Variants in ST18 observed in about 807,000 individuals in gnomAD.
ST18 encodes the protein ST18 C2H2C-type zinc finger transcription factor, also known as suppression of tumorigenicity 18 protein.
ST18 carries 50 observed loss-of-function variants against 110.0 expected under a neutral mutation model. That is an observed-to-expected ratio of 0.45 (90% CI 0.36 to 0.58). The LOEUF is 0.58. Among genes scored for constraint, ST18 ranks in the 20% least tolerant of loss-of-function variants. The probability of loss-of-function intolerance (pLI) is 0.00; values close to 1 mark genes in which losing one functional copy is unlikely to be tolerated. For synonymous variants in ST18, 461 were observed against 452.4 expected, an observed-to-expected ratio of 1.02 and a Z score of -0.24; for missense variants, 1,306 against 1,280.1, an observed-to-expected ratio of 1.02 and a Z score of -0.31.
chr8:52,283,863 G>T (rs776888161), intron 2 of ST18, among the ~76,000 whole-genome samples: 1 of 152,110 alleles, frequency 6.6e-6, no homozygotes, highest in Non-Finnish European at 1.5e-5. Flanking sequence ...GAATATGGAG[G>T]AGGAAGCACG....
intron 2 of ST18, among the ~76,000 whole-genome samples, chr8:52,276,133 C>CA (rs1214374698): frequency 0.059 from 89 of 1,520 alleles, no homozygotes; most frequent in Admixed American, 0.072. Flanking sequence ...ACATACCACA[C>CA]ACACACCACA....
At chr8:52,288,891 A>C (rs895476447) in intron 2 of ST18, among the ~76,000 whole-genome samples, 14 of 152,054 alleles carry the variant, frequency 9.2e-5, no homozygotes, top group African/African-American at 3.1e-4. Flanking sequence ...AAGGTGAGAA[A>C]TCTTGGCAGT....
chr8:52,378,639 G>T (rs1452387678), intron 2 of ST18, among the ~76,000 whole-genome samples: 1 of 152,140 alleles, frequency 6.6e-6, no homozygotes, highest in Non-Finnish European at 1.5e-5. Context: ...ATACATATAT[G>T]ACCCAAGCAT....
At chr8:52,403,920 T>G (rs948834597) in intron 2 of ST18, 9 of 152,180 alleles carry the variant, frequency 5.9e-5, no homozygotes, top group Non-Finnish European at 1.0e-4. Context: ...GGCTTTTCCC[T>G]CCTAGCAGAT....
In ST18 at chr8:52,221,175, T is replaced by G. The variant is rs117155187; in HGVS notation, c.-264-327A>C. ...TTACTTCTTCAATTTAGTTGGGAAA[T>G]TAGATAAGAGGGACTCTTAATGATC... On this transcript the variant is annotated intron_variant, in intron 4 of 25. Transcript: ENST00000689386. 7.1e-3 allele frequency among the ~76,000 whole-genome samples: 1,078 copies of G among 152,148 alleles called. 10 individuals are homozygous for G. Among genetic ancestry groups the G allele is most frequent in the Non-Finnish European group, 0.011 (738 of 67,992 alleles).
intron 2 of ST18, chr8:52,406,084 A>C (rs1317186): frequency 0.76 from 115,522 of 152,134 alleles, 44,036 homozygotes; most frequent in Admixed American, 0.79. Context: ...AGTCACTAGT[A>C]AATTAGCTGT....
chr8:52,392,600 G>A (rs753787618), intron 2 of ST18, among the ~76,000 whole-genome samples: 3 of 152,166 alleles, frequency 2.0e-5, no homozygotes, highest in African/African-American at 4.8e-5. Context: ...AACAAACAAA[G>A]CCATGAAAGA....
intron 23 of ST18, among the ~76,000 whole-genome samples, chr8:52,124,735 A>G (rs553550063): frequency 1.3e-5 from 2 of 152,036 alleles, no homozygotes; most frequent in Admixed American, 6.6e-5. Flanking sequence ...CCAGGGCTTT[A>G]TTTCTCCTCT....
At chr8:52,233,605 A>G (rs1402890983) in intron 2 of ST18, among the ~76,000 whole-genome samples, 1 of 151,568 alleles carries the variant, frequency 6.6e-6, no homozygotes, top group Non-Finnish European at 1.5e-5. Context: ...GTCTCTGGTT[A>G]TTTGAACATC....
chr8:52,334,265 TA>T (rs1055129678), intron 2 of ST18, among the ~76,000 whole-genome samples: 7 of 152,234 alleles, frequency 4.6e-5, no homozygotes, highest in African/African-American at 1.7e-4. Flanking sequence ...AAATTTTCAC[TA>T]AAAAATGTTA....
intron 8 of ST18, among the ~76,000 whole-genome samples, chr8:52,183,771 C>G (rs567333844): frequency 6.6e-6 from 1 of 152,178 alleles, no homozygotes; most frequent in Non-Finnish European, 1.5e-5. Context: ...CTCCCTGGCA[C>G]GCTACAGAGA....
intron 2 of ST18, among the ~76,000 whole-genome samples, chr8:52,247,297 A>T (rs2138039084): frequency 6.6e-6 from 1 of 152,326 alleles, no homozygotes; most frequent in South Asian, 2.1e-4. Flanking sequence ...AAATAAAAAA[A>T]TATATATTTC....
At chr8:52,346,132 A>G (rs1189202477) in intron 2 of ST18, among the ~76,000 whole-genome samples, 3 of 151,588 alleles carry the variant, frequency 2.0e-5, no homozygotes, top group Non-Finnish European at 4.4e-5. Context: ...TATTATATTC[A>G]CACAATGAGA....
intron 2 of ST18, chr8:52,403,927 A>G (rs998567381): frequency 2.6e-5 from 4 of 152,228 alleles, no homozygotes; most frequent in Non-Finnish European, 5.9e-5. Flanking sequence ...CCCTCCTAGC[A>G]GATACCAAAC....
intron 2 of ST18, among the ~76,000 whole-genome samples, chr8:52,260,874 T>A (rs1275112576): frequency 6.6e-6 from 1 of 152,260 alleles, no homozygotes; most frequent in East Asian, 1.9e-4. Flanking sequence ...AGCTGTGATT[T>A]GACATAGTAG....
intron 2 of ST18, among the ~76,000 whole-genome samples, chr8:52,268,818 C>T (rs1189103450): frequency 6.6e-6 from 1 of 152,186 alleles, no homozygotes; most frequent in African/African-American, 2.4e-5. Context: ...CGACAAGCAC[C>T]ATGTAAGGGG....
intron 2 of ST18, among the ~76,000 whole-genome samples, chr8:52,361,516 C>A (rs950881694): frequency 3.9e-5 from 6 of 152,180 alleles, no homozygotes; most frequent in African/African-American, 1.4e-4. Flanking sequence ...AAAAATATGT[C>A]ATGGAGAATT....
At chr8:52,318,245 G>A (rs993444944) in intron 2 of ST18, among the ~76,000 whole-genome samples, 3 of 151,970 alleles carry the variant, frequency 2.0e-5, no homozygotes, top group African/African-American at 7.3e-5. Context: ...CAAAGGACGT[G>A]AACAGACACT....
intron 9 of ST18, among the ~76,000 whole-genome samples, chr8:52,179,650 TA>T (rs1039896849): frequency 1.3e-5 from 2 of 151,764 alleles, no homozygotes; most frequent in Non-Finnish European, 2.9e-5. Context: ...TACATGTTGA[TA>T]AAAAAAATTA....
Sources: gnomAD v4.1 joint callset for allele counts (sites outside exome capture counted in the v4.1 genomes callset) on GRCh38, gnomAD v4.1.1 for gene constraint, MANE v1.5 for transcripts, NCBI Gene and HGNC (gene_info 2026-07-23, HGNC 2026-07-21) for gene names.